Variants in TTLL11 observed in about 807,000 individuals in gnomAD.
TTLL11 encodes tubulin tyrosine ligase like 11, also known as tubulin polyglutamylase TTLL11.
TTLL11 carries 42 observed loss-of-function variants against 51.7 expected under a neutral mutation model. The observed-to-expected ratio is 0.81, with a 90% CI of 0.64 to 1.05. The LOEUF (loss-of-function observed/expected upper bound fraction) is 1.05. Among genes scored for constraint, TTLL11 ranks in the 50% least tolerant of loss-of-function variants. The pLI is 0.00. For missense variants in TTLL11, 799 were observed against 940.4 expected, an observed-to-expected ratio of 0.85 and a Z score of 1.97; for synonymous variants, 381 against 383.5, an observed-to-expected ratio of 0.99 and a Z score of 0.08.
At chr9:121,824,453 C>T (rs950600531) in intron 8 of TTLL11, among the ~76,000 whole-genome samples, 2 of 131,430 alleles carry the variant, frequency 1.5e-5, no homozygotes, top group East Asian at 2.2e-4. Flanking sequence ...TCCAGCCTGG[C>T]GACAGACAGA....
intron 6 of TTLL11, among the ~76,000 whole-genome samples, chr9:121,906,381 C>T (rs540493263): frequency 1.3e-5 from 2 of 152,194 alleles, no homozygotes; most frequent in South Asian, 4.2e-4. Context: ...TGAACCCTCC[C>T]CTGATCCCTC....
chr9:121,888,757 T>C (rs999983620), intron 6 of TTLL11, among the ~76,000 whole-genome samples: 2 of 152,242 alleles, frequency 1.3e-5, no homozygotes, highest in Non-Finnish European at 2.9e-5. Context: ...TAGGTCACTA[T>C]GTGAATTTTT....
intron 1 of TTLL11, among the ~76,000 whole-genome samples, chr9:122,053,676 T>C (rs998823162): frequency 5.3e-5 from 8 of 151,900 alleles, no homozygotes; most frequent in African/African-American, 1.9e-4. Flanking sequence ...CAGAAAAAAG[T>C]ATGCGCAGGG....
intron 6 of TTLL11, among the ~76,000 whole-genome samples, chr9:121,944,809 C>A (rs186795932): frequency 1.3e-5 from 2 of 152,250 alleles, no homozygotes; most frequent in African/African-American, 4.8e-5. Context: ...TTCTCTGAGA[C>A]CAGGCTTCCT....
At chr9:121,973,162 T>A (rs942242603) in intron 6 of TTLL11, among the ~76,000 whole-genome samples, 5 of 152,170 alleles carry the variant, frequency 3.3e-5, no homozygotes, top group African/African-American at 9.7e-5. Flanking sequence ...GGTGATTTCA[T>A]GGAGGGAGGG....
chr9:121,863,706 C>A (rs547525267), intron 7 of TTLL11, among the ~76,000 whole-genome samples: 1 of 152,228 alleles, frequency 6.6e-6, no homozygotes, highest in African/African-American at 2.4e-5. Flanking sequence ...ATTTCTTGGG[C>A]ACTATCTGTA....
At chr9:121,875,757 T>G (rs1475626596) in intron 6 of TTLL11, among the ~76,000 whole-genome samples, 1 of 152,222 alleles carries the variant, frequency 6.6e-6, no homozygotes, top group Non-Finnish European at 1.5e-5. Flanking sequence ...TAAAAGTGAC[T>G]GGTAAAGAAA....
At chr9:121,867,271 T>C (rs755248824) in intron 7 of TTLL11, among the ~76,000 whole-genome samples, 2 of 152,200 alleles carry the variant, frequency 1.3e-5, no homozygotes, top group Non-Finnish European at 1.5e-5. Context: ...AGATTTTACA[T>C]AGATATTTAG....
At chr9:122,065,960 A>G (rs1262390037) in intron 1 of TTLL11, among the ~76,000 whole-genome samples, 1 of 152,202 alleles carries the variant, frequency 6.6e-6, no homozygotes, top group East Asian at 1.9e-4. Flanking sequence ...TATTGCAGAA[A>G]AACAGGCCCT....
At chr9:121,876,336 C>T (rs1251275810) in intron 6 of TTLL11, among the ~76,000 whole-genome samples, 1 of 152,160 alleles carries the variant, frequency 6.6e-6, no homozygotes, top group East Asian at 1.9e-4. Flanking sequence ...AGTTAATTTC[C>T]ATCTCTAGTT....
intron 8 of TTLL11, among the ~76,000 whole-genome samples, chr9:121,847,387 CA>C (rs780340281): frequency 1.2e-4 from 18 of 151,704 alleles, no homozygotes; most frequent in Non-Finnish European, 2.1e-4. Flanking sequence ...ACAAAAAAAG[CA>C]ACAACAGAGA....
chr9:121,958,168 C>T (rs1238874230), intron 6 of TTLL11, among the ~76,000 whole-genome samples: 1 of 152,172 alleles, frequency 6.6e-6, no homozygotes, highest in East Asian at 1.9e-4. Flanking sequence ...AAGTGACTTG[C>T]CCAAGAGGGC....
chr9:122,046,999 GA>G (rs1427595672), intron 1 of TTLL11, among the ~76,000 whole-genome samples: 3 of 152,192 alleles, frequency 2.0e-5, no homozygotes, highest in Non-Finnish European at 4.4e-5. Flanking sequence ...GTCCATGGGG[GA>G]GAAGATGATA....
rs531431783 is a variant in TTLL11, at chr9:121,986,774, G to A, written c.1269+2421C>T. Among the ~76,000 whole-genome samples the A allele has an allele frequency of 1.2e-3, 181 of 152,112 alleles. 1 individual carries two copies. The highest frequency in any genetic ancestry group is 3.9e-3 in the African/African-American group (162 of 41,514). On this transcript the variant is annotated intron_variant, in intron 4 of 8. Transcript: ENST00000321582. The stretch of plus-strand genomic sequence containing the variant: ...TTTGGGACCAGCCTCCTCTTCTGCT[G>A]TTGAATGAATGCCCCATCCACTAGA...
At position 121,882,522 on chromosome 9, in the gene TTLL11, T is replaced by C. The variant is rs906875435; in HGVS notation, c.1482-11774A>G. Among the ~76,000 whole-genome samples the C allele has an allele frequency of 2.0e-5, 3 of 152,214 alleles. No individual in the cohort carries two copies. The East Asian group carries it at 5.8e-4, about 29-fold the overall frequency. On this transcript the variant is annotated intron_variant, in intron 6 of 8. Transcript: ENST00000321582. ...CCTGAACCTCTCATTTCCTGGCTCC[T>C]GCACCCATGCACTCTCTGTGGTGTT...
At chr9:122,038,660 A>G (rs1382431058) in intron 2 of TTLL11, among the ~76,000 whole-genome samples, 1 of 152,184 alleles carries the variant, frequency 6.6e-6, no homozygotes, top group Non-Finnish European at 1.5e-5. Context: ...GAAAAGTGGT[A>G]GAGATTAAAA....
At chr9:122,050,313 C>T (rs2131847070) in intron 1 of TTLL11, among the ~76,000 whole-genome samples, 1 of 152,300 alleles carries the variant, frequency 6.6e-6, no homozygotes, top group South Asian at 2.1e-4. Context: ...AACCAAATAT[C>T]GCGTGTCATT....
intron 8 of TTLL11, among the ~76,000 whole-genome samples, chr9:121,843,880 C>T (rs745400055): frequency 1.3e-5 from 2 of 152,058 alleles, no homozygotes; most frequent in African/African-American, 2.4e-5. Flanking sequence ...CACTGTGCGG[C>T]GTAAGCTGAT....
chr9:121,860,483 A>G, intron 7 of TTLL11, 40 bp from the exon 8 acceptor site: 1 of 1,495,412 alleles, frequency 6.7e-7, no homozygotes, highest in Non-Finnish European at 9.1e-7. Context: ...GCCAGCCTGA[A>G]ACCTGTCCTG....
Sources: gnomAD v4.1 joint callset for allele counts (sites outside exome capture counted in the v4.1 genomes callset) on GRCh38, gnomAD v4.1.1 for gene constraint, MANE v1.5 for transcripts, NCBI Gene and HGNC (gene_info 2026-07-23, HGNC 2026-07-21) for gene names.